ABCC1: variants seen among roughly 807,000 people sequenced by gnomAD.
The protein encoded by ABCC1 is ATP binding cassette subfamily C member 1 (ABCC1 blood group), also known as multidrug resistance-associated protein 1.
Under a neutral mutation model 172.9 loss-of-function variants are expected in ABCC1, and 83 were observed. That is an observed-to-expected ratio of 0.48 (90% CI 0.40 to 0.58). The LOEUF (loss-of-function observed/expected upper bound fraction) is 0.58. ABCC1 is among the 20% of genes least tolerant of loss of function. ABCC1 has a pLI of 0.00. For synonymous variants in ABCC1, 937 were observed against 825.2 expected (o/e 1.14, Z -2.32); for missense variants, 1,817 against 2,002.7 (o/e 0.91, Z 1.77).
rs574577583 is a variant in ABCC1, at chr16:16,131,812, A to G, written c.3843A>G (p.Thr1281=). ...EKEAPWQIQE[T]APPSSWPQVG... Reference sequence around the variant, plus strand: ...AGGCGCCCTGGCAAATCCAGGAGACAGCTCCGCCCAGCAGCTGGCCCCAGG... The same window carrying G: ...AGGCGCCCTGGCAAATCCAGGAGACGGCTCCGCCCAGCAGCTGGCCCCAGG... The change falls in exon 27 of 31, where the codon ACA becomes ACG. Residue 1281 remains threonine (T), a synonymous_variant. Transcript: ENST00000399410. The G allele has an allele frequency of 6.2e-7, 1 of 1,613,986 alleles. No homozygotes were observed. The highest frequency in any genetic ancestry group is 1.1e-5 in the South Asian group (1 of 91,074).
At chr16:16,080,517 C>G (rs1024255787) in intron 16 of ABCC1, among the ~76,000 whole-genome samples, 2 of 152,140 alleles carry the variant, frequency 1.3e-5, no homozygotes, top group African/African-American at 4.8e-5. Flanking sequence ...AGTTCACTCC[C>G]CATGAAGGCC....
intron 20 of ABCC1, among the ~76,000 whole-genome samples, chr16:16,105,966 T>C (rs1424128578): frequency 6.7e-6 from 1 of 150,102 alleles, no homozygotes. Flanking sequence ...AATTTCTGCC[T>C]CTGGGATTCA....
At chr16:16,124,293 T>C (rs890121675) in intron 24 of ABCC1, among the ~76,000 whole-genome samples, 1 of 130,504 alleles carries the variant, frequency 7.7e-6, no homozygotes, top group Non-Finnish European at 1.6e-5. Context: ...TTCCAGGACA[T>C]CTTTTTGTTG....
At position 16,103,715 on chromosome 16, in the gene ABCC1, G is replaced by C. The variant is rs1182650446; in HGVS notation, c.2735+998G>C. 2.0e-5 allele frequency among the ~76,000 whole-genome samples: 3 copies of C among 152,162 alleles called. No homozygotes were observed. In the South Asian group the frequency reaches 6.2e-4, roughly 32 times the overall value. The stretch of plus-strand genomic sequence containing the variant: ...GATCCCGGACCTGCAGTTGCTACAG[G>C]GGTCAGGAGAGAGCAAAGACCATGC... On this transcript the variant is annotated intron_variant, in intron 20 of 30. Coordinates refer to ENST00000399410, the MANE Select transcript of ABCC1 (RefSeq NM_004996.4).
intron 8 of ABCC1, among the ~76,000 whole-genome samples, chr16:16,044,981 A>G (rs2049142162): frequency 1.3e-5 from 2 of 152,114 alleles, no homozygotes; most frequent in African/African-American, 2.4e-5. Context: ...TAATTACCAT[A>G]TTAGTGAAGA....
At chr16:16,030,140 C>T (rs780582429) in intron 5 of ABCC1, among the ~76,000 whole-genome samples, 4 of 152,152 alleles carry the variant, frequency 2.6e-5, no homozygotes, top group African/African-American at 7.2e-5. Context: ...TGTTTCTTTC[C>T]GCTTTTTCTG....
chr16:16,113,721 C>A (rs188178187), intron 22 of ABCC1, among the ~76,000 whole-genome samples: 2 of 152,250 alleles, frequency 1.3e-5, no homozygotes, highest in African/African-American at 2.4e-5. Context: ...TGCTCAGTAG[C>A]CATCATTTCA....
intron 1 of ABCC1, among the ~76,000 whole-genome samples, chr16:15,961,498 C>G (rs573527030): frequency 1.3e-5 from 2 of 152,254 alleles, no homozygotes; most frequent in East Asian, 3.9e-4. Flanking sequence ...TTAGTATGTT[C>G]CCACCCTGCC....
At chr16:16,096,704 AG>A (rs2051495656) in intron 19 of ABCC1, among the ~76,000 whole-genome samples, 1 of 152,206 alleles carries the variant, frequency 6.6e-6, no homozygotes, top group South Asian at 2.1e-4. Flanking sequence ...ACCTTGCCCA[AG>A]CAGAGTTCCA....
chr16:16,131,392 G>T (rs1311213565), intron 26 of ABCC1, among the ~76,000 whole-genome samples: 3 of 152,166 alleles, frequency 2.0e-5, no homozygotes, highest in Admixed American at 6.5e-5. Context: ...ATAAATGTGT[G>T]TTGAACACCT....
At chr16:15,951,758 C>G (rs553573152) in intron 1 of ABCC1, among the ~76,000 whole-genome samples, 6 of 152,122 alleles carry the variant, frequency 3.9e-5, no homozygotes, top group African/African-American at 1.4e-4. Flanking sequence ...GGCACGATCT[C>G]AGCTTACTGC....
intron 1 of ABCC1, among the ~76,000 whole-genome samples, chr16:15,976,417 C>G (rs1208731927): frequency 3.9e-5 from 6 of 152,194 alleles, no homozygotes; most frequent in Admixed American, 1.3e-4. Flanking sequence ...GTGATTGTTT[C>G]TACCTTATGG....
At chr16:16,099,268 G>A (rs947843669) in intron 19 of ABCC1, among the ~76,000 whole-genome samples, 2 of 152,200 alleles carry the variant, frequency 1.3e-5, no homozygotes, top group African/African-American at 4.8e-5. Context: ...GAGCTGCCAC[G>A]CATAGATCCT....
At chr16:16,133,134 G>A (rs141415456) in intron 27 of ABCC1, among the ~76,000 whole-genome samples, 10 of 152,248 alleles carry the variant, frequency 6.6e-5, no homozygotes, top group South Asian at 4.1e-4. Flanking sequence ...TCTTGGTTCC[G>A]AGCTGTTCTT....
intron 19 of ABCC1, chr16:16,098,383 C>T (rs1320569987): frequency 5.0e-6 from 1 of 198,892 alleles, no homozygotes; most frequent in East Asian, 1.1e-4. Context: ...CTTTGGGAGG[C>T]CAAGGCAGGT....
intron 23 of ABCC1, among the ~76,000 whole-genome samples, chr16:16,115,645 C>A (rs2044828210): frequency 6.6e-6 from 1 of 152,032 alleles, no homozygotes; most frequent in Admixed American, 6.6e-5. Flanking sequence ...CTGCGTCCAG[C>A]CTAAAATTTC....
chr16:16,082,655 T>A (rs1299572333), intron 16 of ABCC1, among the ~76,000 whole-genome samples: 1 of 152,178 alleles, frequency 6.6e-6, no homozygotes, highest in Non-Finnish European at 1.5e-5. Context: ...AGTCTTTTAA[T>A]TTTTTTGAGA....
chr16:16,057,495 C>A, intron 12 of ABCC1, among the ~76,000 whole-genome samples: 1 of 150,474 alleles, frequency 6.6e-6, no homozygotes. Context: ...GTATATAAAA[C>A]AGTGCATAGC....
At chr16:16,089,496 C>T (rs3844217) in intron 18 of ABCC1, among the ~76,000 whole-genome samples, 61,287 of 151,114 alleles carry the variant, frequency 0.41, 13,757 homozygotes, top group African/African-American at 0.62. Context: ...TGTGGTGAGC[C>T]GAGGTCGCAC....
Sources: gnomAD v4.1 joint callset for allele counts (sites outside exome capture counted in the v4.1 genomes callset) on GRCh38, gnomAD v4.1.1 for gene constraint, MANE v1.5 for transcripts, NCBI Gene and HGNC (gene_info 2026-07-23, HGNC 2026-07-21) for gene names.